The following HNF4A variants were observed in gnomAD, a reference collection of about 807,000 sequenced individuals.
The protein encoded by HNF4A is hepatocyte nuclear factor 4-alpha.
Under a neutral mutation model 52.4 loss-of-function variants are expected in HNF4A, and 15 were observed. That is an observed-to-expected ratio of 0.29 (90% CI 0.19 to 0.44). The LOEUF (loss-of-function observed/expected upper bound fraction) is 0.44. HNF4A is among the 20% of genes least tolerant of loss of function. HNF4A has a pLI of 1.00. For missense variants in HNF4A, 479 were observed against 647.2 expected, an observed-to-expected ratio of 0.74 and a Z score of 2.82; for synonymous variants, 280 against 264.4, an observed-to-expected ratio of 1.06 and a Z score of -0.57.
At chr20:44,421,137 T>C (rs1448171722) in intron 7 of HNF4A, among the ~76,000 whole-genome samples, 1 of 152,176 alleles carries the variant, frequency 6.6e-6, no homozygotes, top group Non-Finnish European at 1.5e-5. Context: ...GCAAGTTATG[T>C]GCTTTTATCT....
At chr20:44,425,130 C>A (rs567644320) in intron 8 of HNF4A, among the ~76,000 whole-genome samples, 258 of 152,268 alleles carry the variant, frequency 1.7e-3, no homozygotes, top group African/African-American at 4.5e-3. Flanking sequence ...TACAGGCGCC[C>A]GCCACCACGC....
intron 1 of HNF4A, among the ~76,000 whole-genome samples, chr20:44,389,439 C>T (rs75884226): frequency 0.011 from 1,738 of 152,272 alleles, 10 homozygotes; most frequent in Non-Finnish European, 0.016. Flanking sequence ...ATTTGGGACA[C>T]GCTCATACTA....
intron 1 of HNF4A, among the ~76,000 whole-genome samples, chr20:44,404,325 G>A (rs576025648): frequency 2.2e-4 from 34 of 152,204 alleles, no homozygotes; most frequent in Non-Finnish European, 3.8e-4. Flanking sequence ...AATGTCACAC[G>A]GCTAAAAAGT....
chr20:44,429,908 C>T lies in HNF4A; in HGVS notation c.*243C>T, dbSNP rs1600754604. ...CTCTACTGCCTTGGACAACTTTTCT[C>T]ATGTTGAAGCCACTGCCTTCACCTT... is the stretch of plus-strand genomic sequence containing the variant. On this transcript the variant is annotated 3_prime_UTR_variant, in exon 10 of 10. Coordinates refer to ENST00000316099, the MANE Select transcript of HNF4A (RefSeq NM_000457.6). The T allele has an allele frequency of 3.7e-6, 2 of 547,568 alleles. No homozygotes were observed. Among genetic ancestry groups the T allele is most frequent in the Non-Finnish European group, 6.5e-6 (2 of 307,066 alleles). 33.9% of individuals were successfully genotyped at this position (547,568 alleles called of 1,614,324 possible).
At chr20:44,422,091 C>T (rs1257370250) in intron 7 of HNF4A, among the ~76,000 whole-genome samples, 2 of 151,980 alleles carry the variant, frequency 1.3e-5, no homozygotes, top group African/African-American at 4.8e-5. Context: ...GGTCACACAA[C>T]CGGAAAATGG....
chr20:44,398,762 C>T (rs1056181284), upstream of HNF4A, among the ~76,000 whole-genome samples: 11 of 152,138 alleles, frequency 7.2e-5, no homozygotes, highest in East Asian at 1.9e-4. Context: ...TTGGATATAA[C>T]GGGTCATGGC....
Position 44,413,743 on chromosome 20 carries a change from G to A in HNF4A, c.435G>A (p.Glu145=), listed in dbSNP as rs772959288. ...TCAGCACTCGAAGGTCAAGCTATGA[G>A]GACAGCAGCCTGCCCTCCATCAATG... The change falls in exon 4 of 10, where the codon GAG becomes GAA. Residue 145 remains glutamate, a synonymous_variant. Coordinates refer to ENST00000316099, the MANE Select transcript of HNF4A (RefSeq NM_000457.6). 15 of 1,613,844 alleles carry A rather than the reference G, an allele frequency of 9.3e-6. No homozygotes were observed. The Admixed American group carries it at 2.3e-4, about 25-fold the overall frequency.
intron 3 of HNF4A, 47 bp from the exon 4 acceptor site, chr20:44,413,647 T>G: frequency 9.1e-7 from 1 of 1,101,816 alleles, no homozygotes; most frequent in Non-Finnish European, 1.3e-6. Context: ...CCCCACCCCC[T>G]ACTCCATCCC....
At chr20:44,408,510 A>G (rs1411316652) in intron 3 of HNF4A, among the ~76,000 whole-genome samples, 6 of 152,170 alleles carry the variant, frequency 3.9e-5, no homozygotes, top group Non-Finnish European at 8.8e-5. Flanking sequence ...AAATCATTTG[A>G]GGTCAAGAGT....
chr20:44,424,494 G>A, intron 8 of HNF4A: 1 of 1,008,576 alleles, frequency 9.9e-7, no homozygotes, highest in Non-Finnish European at 1.5e-6. Flanking sequence ...TGGCAATTCA[G>A]CAAAGAACAA....
At chr20:44,420,593 A>G (rs2063730753) in intron 7 of HNF4A, among the ~76,000 whole-genome samples, 1 of 152,208 alleles carries the variant, frequency 6.6e-6, no homozygotes. Flanking sequence ...CAGCCTGGCC[A>G]ACATAACAAG....
intron 5 of HNF4A, 54 bp from the exon 6 acceptor site, chr20:44,418,371 C>T: frequency 7.5e-6 from 11 of 1,461,778 alleles, no homozygotes; most frequent in East Asian, 2.3e-5. Context: ...GAGTTGGCTA[C>T]GGGCAGCCTT....
At chr20:44,419,682 A>T in intron 6 of HNF4A, 39 bp from the exon 7 acceptor site, 1 of 1,608,232 alleles carries the variant, frequency 6.2e-7, no homozygotes, top group Non-Finnish European at 8.5e-7. Context: ...GGTCAACCCA[A>T]GGTGACTTCC....
chr20:44,391,748 CAGAGGCTACTCATGTATGAT>C (rs1343539789), intron 1 of HNF4A, among the ~76,000 whole-genome samples: 1 of 152,152 alleles, frequency 6.6e-6, no homozygotes, highest in Admixed American at 6.5e-5. Flanking sequence ...AGTGTAAGAG[CAGAGGCTACTCATGTATGAT>C]CTTACATGCT....
At position 44,432,253 on chromosome 20, in the gene HNF4A, C is replaced by T. The variant is rs924582172; in HGVS notation, c.*2588C>T. On this transcript the variant is annotated 3_prime_UTR_variant, in exon 10 of 10. Coordinates refer to ENST00000316099, the MANE Select transcript of HNF4A (RefSeq NM_000457.6). ...CTTTCTGGAGGAGAAACCCATTCCA[C>T]CTTAATAACTTTATTGTAATGTGAG... 6.6e-6 allele frequency: 1 copy of T among 151,910 alleles called. No individual in the cohort carries two copies. Among genetic ancestry groups the T allele is most frequent in the Non-Finnish European group, 1.5e-5 (1 of 67,990 alleles). 9.4% of individuals were successfully genotyped at this position (151,910 alleles called of 1,614,324 possible).
intron 5 of HNF4A, among the ~76,000 whole-genome samples, 177 bp downstream of exon 5, chr20:44,414,839 C>A (rs1203311858): frequency 2.6e-5 from 4 of 152,236 alleles, no homozygotes; most frequent in Admixed American, 2.6e-4. Context: ...ACTCAGTTAG[C>A]TCCTCCAACA....
intron 1 of HNF4A, among the ~76,000 whole-genome samples, chr20:44,376,164 C>T (rs2063083187): frequency 6.6e-6 from 1 of 152,132 alleles, no homozygotes; most frequent in South Asian, 2.1e-4. Flanking sequence ...ACTCAGGAGG[C>T]TGAGGCAGGA....
Position 44,401,425 on chromosome 20 carries a change from C to T in HNF4A, c.53C>T (p.Ala18Val). Residue 18 changes from alanine (A) to valine (V), a missense_variant, in exon 1 of 10, where the codon GCA (alanine) becomes GTA (valine). By Grantham distance (64) the Ala-to-Val change is moderately conservative. This residue lies in a region of HNF4A where 90 missense variants were observed against 105.5 expected (regional missense o/e 0.85). Coordinates refer to ENST00000316099, the MANE Select transcript of HNF4A (RefSeq NM_000457.6). ...ATGGACATGGCCGACTACAGTGCTG[C>T]ACTGGACCCAGCCTACACCACCCTG... The T allele has an allele frequency of 6.2e-7, 1 of 1,614,208 alleles. No homozygotes were observed.
chr20:44,355,929 G>T, intron 1 of HNF4A, 76 bp downstream of exon 1: 2 of 1,315,874 alleles, frequency 1.5e-6, no homozygotes, highest in Non-Finnish European at 2.1e-6. Context: ...ACCTCCCCGT[G>T]TGTTTCTTAC....
Sources: gnomAD v4.1 joint callset for allele counts (sites outside exome capture counted in the v4.1 genomes callset) on GRCh38, gnomAD v4.1.1 for gene constraint, gnomAD v4.1.1 regional missense constraint, MANE v1.5 for transcripts, NCBI Gene and HGNC (gene_info 2026-07-23, HGNC 2026-07-21) for gene names.